Variants in CCDC91 observed in about 807,000 individuals in gnomAD.
CCDC91 encodes the protein coiled-coil domain containing 91.
A neutral mutation model predicts 63.2 loss-of-function variants in CCDC91; 48 were observed. The observed-to-expected ratio is 0.76, with a 90% CI of 0.60 to 0.97. The LOEUF (loss-of-function observed/expected upper bound fraction) is 0.97, where lower values mean the gene tolerates loss of function less well. Ranked by LOEUF, CCDC91 falls within the 50% of genes least tolerant of loss-of-function variation. The pLI, the probability that CCDC91 is intolerant of heterozygous loss-of-function variation, is 0.00. For synonymous variants in CCDC91, 167 were observed against 165.8 expected, an observed-to-expected ratio of 1.01 and a Z score of -0.06; for missense variants, 500 against 494.6, an observed-to-expected ratio of 1.01 and a Z score of -0.10.
Position 28,307,765 on chromosome 12 carries a change from T to A in CCDC91, c.576+16T>A. 1 of 1,330,560 alleles carries A rather than the reference T, an allele frequency of 7.5e-7. No individual in the cohort carries two copies. The highest frequency in any genetic ancestry group is 1.3e-5 in the South Asian group (1 of 79,472). The allele number at this position is 1,330,560 out of a possible 1,614,324, so 82.4% of individuals were successfully genotyped here. Reference sequence around the variant, plus strand: ...AGAACTTCAGGTAAGGCGATTGAACTTAAGATTTAAAATGTAAGCCTTTTG... The same window carrying A: ...AGAACTTCAGGTAAGGCGATTGAACATAAGATTTAAAATGTAAGCCTTTTG... On this transcript the variant is annotated intron_variant, in intron 6 of 12. Transcript: ENST00000536442.
chr12:28,314,394 G>A (rs760453738), intron 6 of CCDC91, among the ~76,000 whole-genome samples: 1 of 151,960 alleles, frequency 6.6e-6, no homozygotes, highest in Non-Finnish European at 1.5e-5. Flanking sequence ...TGGACATTGG[G>A]CGCTTGGCAA....
At chr12:28,376,289 A>G (rs888465238) in intron 7 of CCDC91, among the ~76,000 whole-genome samples, 2 of 151,860 alleles carry the variant, frequency 1.3e-5, no homozygotes, top group African/African-American at 2.4e-5. Context: ...GTGGGTGTGC[A>G]TACGTGTATG....
At chr12:28,501,072 A>G (rs921042934) in intron 12 of CCDC91, among the ~76,000 whole-genome samples, 1 of 151,740 alleles carries the variant, frequency 6.6e-6, no homozygotes, top group Non-Finnish European at 1.5e-5. Context: ...GTTCATAGTA[A>G]AATACAAGTG....
chr12:28,224,144 A>G (rs1473344926), intron 1 of CCDC91, among the ~76,000 whole-genome samples: 2 of 152,154 alleles, frequency 1.3e-5, no homozygotes, highest in African/African-American at 4.8e-5. Flanking sequence ...ATACATGTGT[A>G]TCCTGTGTAA....
intron 7 of CCDC91, among the ~76,000 whole-genome samples, chr12:28,375,178 T>G (rs1428046786): frequency 1.3e-5 from 2 of 151,940 alleles, no homozygotes; most frequent in Non-Finnish European, 2.9e-5. Context: ...AGTGATGGAA[T>G]AAACCATGGA....
Position 28,542,316 on chromosome 12 carries a change from A to G in CCDC91, c.1216-6747A>G, listed in dbSNP as rs573910664. Among the ~76,000 whole-genome samples the G allele has an allele frequency of 2.6e-5, 4 of 152,220 alleles. No individual in the cohort carries two copies. In the East Asian group the frequency reaches 7.7e-4, roughly 29 times the overall value. ...AAAAATAGTTCTTTAGTTGTGGTCA[A>G]AAGGTTTTAAGACTCTTTATACCCA... On this transcript the variant is annotated intron_variant, in intron 12 of 12. Coordinates refer to ENST00000536442, the MANE Select transcript of CCDC91 (RefSeq NM_018318.5).
At chr12:28,324,422 C>T (rs1461730219) in intron 6 of CCDC91, among the ~76,000 whole-genome samples, 2 of 151,800 alleles carry the variant, frequency 1.3e-5, no homozygotes, top group Admixed American at 6.6e-5. Context: ...TCTTCTCTTC[C>T]TCAGTCTCTC....
rs181955252 is a variant in CCDC91, at chr12:28,398,670, C to T, written c.762+7259C>T. 1.2e-4 allele frequency among the ~76,000 whole-genome samples: 19 copies of T among 152,268 alleles called. No individual in the cohort carries two copies. The East Asian group carries it at 3.7e-3, about 29-fold the overall frequency. The stretch of plus-strand genomic sequence containing the variant: ...TTCTCTTTGATCTGCTCTCTCAGCA[C>T]TTGGTATTGTCCATCTTTTTCACTT... On this transcript the variant is annotated intron_variant, in intron 8 of 12. Transcript: ENST00000536442.
intron 3 of CCDC91, among the ~76,000 whole-genome samples, chr12:28,280,131 A>T (rs1308851000): frequency 6.6e-6 from 1 of 152,122 alleles, no homozygotes; most frequent in Non-Finnish European, 1.5e-5. Flanking sequence ...TACAGACTAG[A>T]ACAGAAAGTA....
intron 11 of CCDC91, among the ~76,000 whole-genome samples, chr12:28,468,192 C>A (rs1950635638): frequency 6.7e-6 from 1 of 148,670 alleles, no homozygotes; most frequent in African/African-American, 2.5e-5. Context: ...AAATCTTTTG[C>A]CAGACTAAGA....
At chr12:28,405,099 C>T (rs991504000) in intron 8 of CCDC91, among the ~76,000 whole-genome samples, 1 of 151,848 alleles carries the variant, frequency 6.6e-6, no homozygotes, top group Non-Finnish European at 1.5e-5. Flanking sequence ...GTCTTTCATA[C>T]TTTTTCTACC....
chr12:28,387,628 G>A (rs1410800912), intron 7 of CCDC91, among the ~76,000 whole-genome samples: 1 of 152,034 alleles, frequency 6.6e-6, no homozygotes, highest in Non-Finnish European at 1.5e-5. Flanking sequence ...TTATAGATGA[G>A]AACATGTGAT....
intron 8 of CCDC91, among the ~76,000 whole-genome samples, chr12:28,400,777 A>C (rs555830957): frequency 6.6e-6 from 1 of 152,320 alleles, no homozygotes; most frequent in Non-Finnish European, 1.5e-5. Flanking sequence ...TCTCTAGGGC[A>C]GGGACAAAAT....
At chr12:28,489,840 ACTTTC>A (rs1951905914) in intron 12 of CCDC91, among the ~76,000 whole-genome samples, 1 of 151,870 alleles carries the variant, frequency 6.6e-6, no homozygotes, top group Non-Finnish European at 1.5e-5. Context: ...GACAAAATGA[ACTTTC>A]CTTATGTTCT....
chr12:28,374,770 T>C (rs1341824045), intron 7 of CCDC91, among the ~76,000 whole-genome samples: 2 of 152,140 alleles, frequency 1.3e-5, no homozygotes, highest in Non-Finnish European at 2.9e-5. Flanking sequence ...CTCATCCAAC[T>C]GGAATTTACT....
At chr12:28,214,731 A>T (rs1038652093) in intron 1 of CCDC91, among the ~76,000 whole-genome samples, 1 of 152,200 alleles carries the variant, frequency 6.6e-6, no homozygotes, top group South Asian at 2.1e-4. Flanking sequence ...TAGAAATGTC[A>T]TTCAAAATCT....
At chr12:28,531,584 T>C (rs1228158104) in intron 12 of CCDC91, among the ~76,000 whole-genome samples, 2 of 152,172 alleles carry the variant, frequency 1.3e-5, no homozygotes, top group African/African-American at 2.4e-5. Context: ...GAAAAATAAC[T>C]TGCAGTTTCT....
chr12:28,280,815 TAAA>T (rs11369802), intron 3 of CCDC91, among the ~76,000 whole-genome samples: 2 of 139,604 alleles, frequency 1.4e-5, no homozygotes, highest in Non-Finnish European at 3.1e-5. Context: ...CGCGTTTCTT[TAAA>T]AAAAAAAAAA....
chr12:28,508,827 A>G (rs1466129219), intron 12 of CCDC91, among the ~76,000 whole-genome samples: 1 of 151,854 alleles, frequency 6.6e-6, no homozygotes, highest in Admixed American at 6.6e-5. Flanking sequence ...TCTTATTTCT[A>G]CCCCTCGGTT....
Sources: gnomAD v4.1 joint callset for allele counts (sites outside exome capture counted in the v4.1 genomes callset) on GRCh38, gnomAD v4.1.1 for gene constraint, MANE v1.5 for transcripts, NCBI Gene and HGNC (gene_info 2026-07-23, HGNC 2026-07-21) for gene names.